The following PARD3B variants were observed in gnomAD, a reference collection of about 807,000 sequenced individuals.
The protein encoded by PARD3B is partitioning defective 3 homolog B.
Under a neutral mutation model 130.2 loss-of-function variants are expected in PARD3B, and 103 were observed. That is an observed-to-expected ratio of 0.79 (90% CI 0.67 to 0.93). The LOEUF (loss-of-function observed/expected upper bound fraction) is 0.93, where lower values mean the gene tolerates loss of function less well. Among genes scored for constraint, PARD3B ranks in the 40% least tolerant of loss-of-function variants. The pLI, the probability that PARD3B is intolerant of heterozygous loss-of-function variation, is 0.00. For synonymous variants in PARD3B, 583 were observed against 553.2 expected, an observed-to-expected ratio of 1.05 and a Z score of -0.76; for missense variants, 1,609 against 1,499.2, an observed-to-expected ratio of 1.07 and a Z score of -1.21.
intron 2 of PARD3B, among the ~76,000 whole-genome samples, chr2:204,760,974 A>G (rs1379352119): frequency 6.6e-6 from 1 of 152,202 alleles, no homozygotes; most frequent in Non-Finnish European, 1.5e-5. Flanking sequence ...TATTTTCTAT[A>G]TGCCAGTATT....
chr2:204,558,758 A>G (rs2031104407), intron 1 of PARD3B, among the ~76,000 whole-genome samples: 1 of 152,220 alleles, frequency 6.6e-6, no homozygotes, highest in Non-Finnish European at 1.5e-5. Context: ...TAAAGAACAA[A>G]GCTGGAGGCA....
chr2:205,195,547 T>A (rs2036636160), intron 15 of PARD3B, among the ~76,000 whole-genome samples: 1 of 152,194 alleles, frequency 6.6e-6, no homozygotes, highest in Non-Finnish European at 1.5e-5. Context: ...TTCACTTAGG[T>A]GATACCGCAA....
At chr2:205,095,659 C>T (rs1339430135) in intron 4 of PARD3B, among the ~76,000 whole-genome samples, 2 of 152,114 alleles carry the variant, frequency 1.3e-5, no homozygotes, top group Admixed American at 1.3e-4. Flanking sequence ...CCTCTCTACC[C>T]ACCATCACCT....
intron 2 of PARD3B, among the ~76,000 whole-genome samples, chr2:204,878,537 TA>T (rs1326460004): frequency 1.3e-5 from 2 of 152,056 alleles, no homozygotes; most frequent in Non-Finnish European, 2.9e-5. Context: ...TATTTTGTAT[TA>T]AAAAAAGAGT....
chr2:204,816,396 C>A (rs1377012211), intron 2 of PARD3B, among the ~76,000 whole-genome samples: 1 of 151,770 alleles, frequency 6.6e-6, no homozygotes, highest in East Asian at 1.9e-4. Flanking sequence ...TTTCTTCTGC[C>A]TGAAGAACTT....
intron 20 of PARD3B, among the ~76,000 whole-genome samples, chr2:205,462,045 G>A (rs552840372): frequency 5.9e-5 from 9 of 152,230 alleles, no homozygotes; most frequent in Admixed American, 1.3e-4. Flanking sequence ...AGCACATAGC[G>A]GGTACCAAAT....
chr2:204,622,976 A>G (rs1193628542), intron 1 of PARD3B, among the ~76,000 whole-genome samples: 1 of 151,914 alleles, frequency 6.6e-6, no homozygotes, highest in Non-Finnish European at 1.5e-5. Context: ...CGTTCCCATT[A>G]TGATATATGC....
At chr2:205,430,768 AAG>A (rs566275956) in intron 19 of PARD3B, among the ~76,000 whole-genome samples, 10 of 152,336 alleles carry the variant, frequency 6.6e-5, no homozygotes, top group African/African-American at 2.4e-4. Flanking sequence ...AAAAAGGAAA[AAG>A]AGTACAGTTC....
At chr2:204,850,168 T>C (rs192554409) in intron 2 of PARD3B, among the ~76,000 whole-genome samples, 1 of 152,278 alleles carries the variant, frequency 6.6e-6, no homozygotes, top group Admixed American at 6.5e-5. Flanking sequence ...TGAAGCTTAG[T>C]TTGTATTTTG....
intron 2 of PARD3B, among the ~76,000 whole-genome samples, chr2:204,800,618 G>T (rs990680374): frequency 6.6e-6 from 1 of 152,174 alleles, no homozygotes; most frequent in Admixed American, 6.5e-5. Flanking sequence ...AGAGCCCTTT[G>T]TCAGACAGAT....
intron 1 of PARD3B, among the ~76,000 whole-genome samples, chr2:204,685,244 C>T (rs2037019983): frequency 6.6e-6 from 1 of 151,830 alleles, no homozygotes; most frequent in Non-Finnish European, 1.5e-5. Flanking sequence ...TATTGGATAC[C>T]AAGTGTATTA....
intron 19 of PARD3B, among the ~76,000 whole-genome samples, chr2:205,402,525 A>T (rs2046287069): frequency 6.6e-6 from 1 of 152,182 alleles, no homozygotes; most frequent in African/African-American, 2.4e-5. Flanking sequence ...CTTACTTGGG[A>T]CAGGGGAAAA....
In PARD3B at chr2:205,405,832, G is replaced by A. The variant is rs1198302379; in HGVS notation, c.2741+4709G>A. ...AAAATGAACTACACATACACAGGAT[G>A]TGGAAGGTTTGATTTAATAACAAAT... is the stretch of plus-strand genomic sequence containing the variant. On this transcript the variant is annotated intron_variant, in intron 19 of 22. Coordinates refer to ENST00000406610, the MANE Select transcript of PARD3B (RefSeq NM_001302769.2). This position sits in a 1 kb window ranked among gnomAD's most constrained non-coding sequence, Gnocchi z 4.1. Among the ~76,000 whole-genome samples, 1 of 152,216 alleles carries A rather than the reference G, an allele frequency of 6.6e-6. No individual in the cohort carries two copies. Among genetic ancestry groups the A allele is most frequent in the African/African-American group, 2.4e-5 (1 of 41,460 alleles).
intron 2 of PARD3B, among the ~76,000 whole-genome samples, chr2:204,814,193 T>TA (rs2125530100): frequency 1.3e-5 from 2 of 152,108 alleles, no homozygotes; most frequent in African/African-American, 4.8e-5. Context: ...GATTTATACT[T>TA]ACAGTTTTCA....
intron 3 of PARD3B, among the ~76,000 whole-genome samples, chr2:205,034,735 A>G (rs1210871833): frequency 1.3e-5 from 2 of 152,196 alleles, no homozygotes; most frequent in African/African-American, 2.4e-5. Context: ...GCAATTTATA[A>G]ATAAAGTTAA....
At chr2:204,552,661 A>C (rs1324098119) in intron 1 of PARD3B, among the ~76,000 whole-genome samples, 6 of 152,074 alleles carry the variant, frequency 3.9e-5, no homozygotes, top group African/African-American at 1.4e-4. Context: ...ATCCACTTTG[A>C]GTTGATTTTT....
At chr2:204,569,539 C>T (rs897526041) in intron 1 of PARD3B, among the ~76,000 whole-genome samples, 9 of 152,174 alleles carry the variant, frequency 5.9e-5, no homozygotes, top group Middle Eastern at 3.2e-3. Flanking sequence ...TCACCTCCTG[C>T]AGTCATGGGC....
At chr2:204,820,692 A>T (rs2043317684) in intron 2 of PARD3B, among the ~76,000 whole-genome samples, 1 of 151,818 alleles carries the variant, frequency 6.6e-6, no homozygotes, top group Non-Finnish European at 1.5e-5. Context: ...GTGGGTGCCT[A>T]TAATCCAAGC....
chr2:205,614,250 C>T (rs1243347963), intron 22 of PARD3B, among the ~76,000 whole-genome samples: 2 of 152,222 alleles, frequency 1.3e-5, no homozygotes, highest in African/African-American at 2.4e-5. Flanking sequence ...GAGATCCAGA[C>T]AGGGCCACTT....
Sources: gnomAD v4.1 joint callset for allele counts (sites outside exome capture counted in the v4.1 genomes callset) on GRCh38, gnomAD v4.1.1 for gene constraint, Gnocchi (gnomAD v3.1) non-coding constraint, MANE v1.5 for transcripts, NCBI Gene and HGNC (gene_info 2026-07-23, HGNC 2026-07-21) for gene names.